Variants in TPSB2 observed in about 807,000 individuals in gnomAD.
TPSB2 encodes tryptase beta-2.
A neutral mutation model predicts 19.8 loss-of-function variants in TPSB2; 13 were observed. That is an observed-to-expected ratio of 0.66 (90% CI 0.43 to 1.04). TPSB2 has a LOEUF of 1.04. Ranked by LOEUF, TPSB2 falls within the 50% of genes least tolerant of loss-of-function variation. The pLI is 0.00. For synonymous variants in TPSB2, 78 were observed against 116.4 expected (o/e 0.67, Z 2.12); for missense variants, 196 against 259.9 (o/e 0.75, Z 1.69).
rs1164722427 is a variant in TPSB2 at position 1,229,006 on chromosome 16, T to C, written c.557A>G (p.His186Arg). ...AAGGTGGTATTTTGCGTCACAAATG[T>C]GGTTTTCCATTATGGGGACCTTCAC... ...KQVKVPIMEN[H>R]ICDAKYHLGA... is the part of the protein sequence containing the mutation. The change falls in exon 5 of 6, where the codon CAC becomes CGC. Residue 186 changes from histidine to arginine, a missense_variant. This residue lies in a region of TPSB2 where 109 missense variants were observed against 110.2 expected (regional missense o/e 0.99). Transcript: ENST00000606293. 1 of 458,228 alleles carries C rather than the reference T, an allele frequency of 2.2e-6. No individual in the cohort carries two copies. Among genetic ancestry groups the C allele is most frequent in the Admixed American group, 5.0e-5 (1 of 19,808 alleles). The allele number at this position is 458,228 out of a possible 1,614,324, so 28.4% of individuals were successfully genotyped here.
At position 1,229,418 on chromosome 16, in the gene TPSB2, C is replaced by G; in HGVS notation, c.272G>C (p.Arg91Pro). 3 of 1,171,078 alleles carry G rather than the reference C, an allele frequency of 2.6e-6. No homozygotes were observed. Among genetic ancestry groups the G allele is most frequent in the Non-Finnish European group, 3.3e-6 (3 of 909,956 alleles). 72.5% of individuals were successfully genotyped at this position (1,171,078 alleles called of 1,614,324 possible). Reference sequence around the variant, plus strand: ...GTCCTGGTAGTAGAGGTGCTGCTCCCGCAGTTGCACCCTGAGGGCGGCCAG... The same window carrying G: ...GTCCTGGTAGTAGAGGTGCTGCTCCGGCAGTTGCACCCTGAGGGCGGCCAG... ...KDLAALRVQL[R>P]EQHLYYQDQL... is the part of the protein sequence containing the mutation. Residue 91 changes from arginine (R) to proline (P), a missense_variant, in exon 4 of 6, where the codon CGG (arginine) becomes CCG (proline). By Grantham distance (103) the Arg-to-Pro change is moderately radical. Transcript: ENST00000606293.
At position 1,228,712 on chromosome 16, in the gene TPSB2, T is replaced by C. The variant is rs375406989; in HGVS notation, c.766A>G (p.Ile256Val). The change falls in exon 6 of 6, where the codon ATC becomes GTC. Residue 256 changes from isoleucine to valine, a missense_variant. Around this residue, in one of 4 missense-constraint regions of TPSB2, gnomAD observed 109 missense variants for 110.2 expected, o/e 0.99. Coordinates refer to ENST00000606293, the MANE Select transcript of TPSB2 (RefSeq NM_024164.6). ...EGCAQPNRPG[I>V]YTRVTYYLDW... is the part of the protein sequence containing the mutation. ...AAGTAGTAGGTGACACGGGTGTAGA[T>C]GCCAGGCCGGTTGGGCTGGGCACAG... is the stretch of plus-strand genomic sequence containing the variant. The C allele has an allele frequency of 2.7e-5, 43 of 1,585,838 alleles. No homozygotes were observed. The highest frequency in any genetic ancestry group is 3.3e-5 in the Non-Finnish European group (38 of 1,168,614).
Position 1,228,604 on chromosome 16 carries a change from G to A in TPSB2, c.*46C>T, listed in dbSNP as rs1060321. 946 of 1,509,038 alleles carry A rather than the reference G, an allele frequency of 6.3e-4. 147 individuals carry two copies. The highest frequency in any genetic ancestry group is 8.0e-4 in the Non-Finnish European group (888 of 1,106,972). 93.5% of individuals were successfully genotyped at this position (1,509,038 alleles called of 1,614,324 possible). ...TAGGAAGCAGTGGTGTTTTGAACAG[G>A]AGGGGCTGGCTCTCCAGTGACCCAG... On this transcript the variant is annotated 3_prime_UTR_variant, in exon 6 of 6. Transcript: ENST00000606293.
rs560746927 is a variant in TPSB2 at position 1,228,444 on chromosome 16, G to T, written c.*206C>A. 2.0e-5 allele frequency: 23 copies of T among 1,166,680 alleles called. No homozygotes were observed. The East Asian group carries it at 5.6e-4, about 28-fold the overall frequency. 72.3% of individuals were successfully genotyped at this position (1,166,680 alleles called of 1,614,324 possible). On this transcript the variant is annotated 3_prime_UTR_variant, in exon 6 of 6. Coordinates refer to ENST00000606293, the MANE Select transcript of TPSB2 (RefSeq NM_024164.6). ...GGCCCGGTGCAGGCGTCAGGCTTAG[G>T]ACAGGGAAGGGGGCTCAGGATGGGG...
In TPSB2 at chr16:1,228,977, C is replaced by T. The variant is rs1437335466; in HGVS notation, c.586G>A (p.Ala196Thr). Residue 196 changes from alanine (A) to threonine (T), a missense_variant, in exon 5 of 6, where the codon GCC becomes ACC. Ala to Thr is a moderately conservative substitution (Grantham distance 58). Transcript: ENST00000606293. ...ATGCGGACGTCGTCTCCCGTGTAGG[C>T]GCCAAGGTGGTATTTTGCGTCACAA... ...HICDAKYHLG[A>T]YTGDDVRIVR... The T allele has an allele frequency of 1.7e-3, 809 of 482,900 alleles. 2 individuals are homozygous for T. The highest frequency in any genetic ancestry group is 2.7e-3 in the Admixed American group (55 of 20,662). The allele number at this position is 482,900 out of a possible 1,614,324, so 29.9% of individuals were successfully genotyped here.
chr16:1,228,488 G>A lies in TPSB2; in HGVS notation c.*162C>T, dbSNP rs2030267384. 1.7e-6 allele frequency: 2 copies of A among 1,178,620 alleles called. No individual in the cohort carries two copies. Among genetic ancestry groups the A allele is most frequent in the African/African-American group, 3.0e-5 (2 of 65,690 alleles). 73.0% of individuals were successfully genotyped at this position (1,178,620 alleles called of 1,614,324 possible). A position where few individuals can be genotyped will look rare whatever the true frequency, so the allele number is the denominator to read the frequency against. ...GATGGGGAAGGGTCCTCAGGACAGG[G>A]GAAGGGGCTCAGAAGAGAGCAGGGG... On this transcript the variant is annotated 3_prime_UTR_variant, in exon 6 of 6. Transcript: ENST00000606293.
Position 1,229,643 on chromosome 16 carries a change from G to C in TPSB2, c.156C>G (p.Asp52Glu). ...CCCCGCAGAAGTGCATCCAGTATCG[G>C]TCGCGGACTCTCAGGCTCACCTGCC... ...WPWQVSLRVRDRYWMHFCGGS... is the reference protein window; with the variant it reads ...WPWQVSLRVRERYWMHFCGGS... Residue 52 changes from aspartate to glutamate, a missense_variant, in exon 3 of 6, where the codon GAC becomes GAG. By Grantham distance (45) the Asp-to-Glu change is conservative. Around this residue, in one of 4 missense-constraint regions of TPSB2, gnomAD observed 72 missense variants for 80.5 expected, o/e 0.89. Transcript: ENST00000606293. 1.2e-6 allele frequency: 2 copies of C among 1,604,590 alleles called. No individual in the cohort carries two copies. The highest frequency in any genetic ancestry group is 3.4e-5 in the Admixed American group (2 of 59,600).
rs764536438 is a variant in TPSB2, at chr16:1,229,646, G to A, written c.153C>T (p.Arg51=). Residue 51 remains arginine, a synonymous_variant, in exon 3 of 6, where the codon CGC becomes CGT. Transcript: ENST00000606293. ...CGCAGAAGTGCATCCAGTATCGGTC[G>A]CGGACTCTCAGGCTCACCTGCCAGG... ...KWPWQVSLRV[R]DRYWMHFCGG... 61 of 1,604,460 alleles carry A rather than the reference G, an allele frequency of 3.8e-5. 2 individuals are homozygous for A. The highest frequency in any genetic ancestry group is 2.4e-4 in the Admixed American group (14 of 59,570).
Position 1,229,584 on chromosome 16 carries a change from G to A in TPSB2, c.215C>T (p.Ala72Val), listed in dbSNP as rs747030828. Residue 72 changes from alanine to valine, a missense_variant, in exon 3 of 6, where the codon GCA becomes GTA. Physicochemically the swap from Ala to Val is moderately conservative, Grantham distance 64. Around this residue, in one of 4 missense-constraint regions of TPSB2, gnomAD observed 72 missense variants for 80.5 expected, o/e 0.89. Coordinates refer to ENST00000606293, the MANE Select transcript of TPSB2 (RefSeq NM_024164.6). Reference protein sequence around the residue: ...SLIHPQWVLTAAHCVGPDVKD... With the variant: ...SLIHPQWVLTVAHCVGPDVKD... ...GACTCACGGTCCCACGCAGTGCGCT[G>A]CGGTCAGCACCCACTGGGGGTGGAT... 5.7e-6 allele frequency: 9 copies of A among 1,574,594 alleles called. No individual in the cohort carries two copies. The highest frequency in any genetic ancestry group is 4.8e-5 in the East Asian group (2 of 41,754).
At position 1,228,401 on chromosome 16, in the gene TPSB2, G is replaced by A. The variant is rs2030261859; in HGVS notation, c.*249C>T. The A allele has an allele frequency of 3.8e-6, 3 of 780,252 alleles. No homozygotes were observed. Among genetic ancestry groups the A allele is most frequent in the South Asian group, 1.9e-5 (1 of 52,412 alleles). The allele number at this position is 780,252 out of a possible 1,614,324, so 48.3% of individuals were successfully genotyped here. ...ATTAGCGCCCACCACCAGCTGCCTGGGCAGGGGAGGGCCGGAGGGCCCGGT... is the reference window on the plus strand; with the variant it reads ...ATTAGCGCCCACCACCAGCTGCCTGAGCAGGGGAGGGCCGGAGGGCCCGGT... On this transcript the variant is annotated 3_prime_UTR_variant, in exon 6 of 6. Coordinates refer to ENST00000606293, the MANE Select transcript of TPSB2 (RefSeq NM_024164.6).
Position 1,229,585 on chromosome 16 carries a change from C to T in TPSB2, c.214G>A (p.Ala72Thr), listed in dbSNP as rs371932070. ...SLIHPQWVLTAAHCVGPDVKD... is the reference protein window; with the variant it reads ...SLIHPQWVLTTAHCVGPDVKD... ...ACTCACGGTCCCACGCAGTGCGCTG[C>T]GGTCAGCACCCACTGGGGGTGGATG... is the stretch of plus-strand genomic sequence containing the variant. Residue 72 changes from alanine to threonine, a missense_variant, in exon 3 of 6, where the codon GCA becomes ACA. Coordinates refer to ENST00000606293, the MANE Select transcript of TPSB2 (RefSeq NM_024164.6). The T allele has an allele frequency of 3.8e-6, 6 of 1,575,302 alleles. No homozygotes were observed. Among genetic ancestry groups the T allele is most frequent in the Middle Eastern group, 2.0e-4 (1 of 5,064 alleles).
In TPSB2 at chr16:1,228,629, G is replaced by A. The variant is rs538590596; in HGVS notation, c.*21C>T. 3.1e-6 allele frequency: 5 copies of A among 1,600,056 alleles called. 1 individual carries two copies. Among genetic ancestry groups the A allele is most frequent in the South Asian group, 1.1e-5 (1 of 90,174 alleles). ...GAGGGGCTGGCTCTCCAGTGACCCA[G>A]GTGGACACCCCAGGCCTGACTCACG... On this transcript the variant is annotated 3_prime_UTR_variant, in exon 6 of 6. Coordinates refer to ENST00000606293, the MANE Select transcript of TPSB2 (RefSeq NM_024164.6).
chr16:1,228,765 T>C lies in TPSB2; in HGVS notation c.713A>G (p.Gln238Arg). 10 of 1,561,468 alleles carry C rather than the reference T, an allele frequency of 6.4e-6. No individual in the cohort carries two copies. Among genetic ancestry groups the C allele is most frequent in the Non-Finnish European group, 8.6e-6 (10 of 1,157,134 alleles). ...LVCKVNGTWL[Q>R]AGVVSWGEGC... ...CTCGCCCCAGCTGACCACGCCCGCCTGCAGCCAGGTGCCATTCACCTTGCA... is the reference window on the plus strand; with the variant it reads ...CTCGCCCCAGCTGACCACGCCCGCCCGCAGCCAGGTGCCATTCACCTTGCA... The change falls in exon 6 of 6, where the codon CAG becomes CGG. Residue 238 changes from glutamine (Q) to arginine (R), a missense_variant. Coordinates refer to ENST00000606293, the MANE Select transcript of TPSB2 (RefSeq NM_024164.6).
rs567185904 is a variant in TPSB2 at position 1,228,840 on chromosome 16, G to A, written c.664-26C>T. 105,378 of 732,202 alleles carry A rather than the reference G, an allele frequency of 0.14. 864 individuals carry two copies. The highest frequency in any genetic ancestry group is 0.17 in the Middle Eastern group (321 of 1,846). 45.4% of individuals were successfully genotyped at this position (732,202 alleles called of 1,614,324 possible). On this transcript the variant is annotated intron_variant, in intron 5 of 5. Coordinates refer to ENST00000606293, the MANE Select transcript of TPSB2 (RefSeq NM_024164.6). Reference sequence around the variant, plus strand: ...CTGGGAAGGTCAGAGGTCAGCGCTCGCCGAACAGGCCTGGGAGTGGGGGTT... The same window carrying A: ...CTGGGAAGGTCAGAGGTCAGCGCTCACCGAACAGGCCTGGGAGTGGGGGTT...
chr16:1,229,199 T>A lies in TPSB2; in HGVS notation c.491A>T (p.Asp164Val). 1 of 376,466 alleles carries A rather than the reference T, an allele frequency of 2.7e-6. No homozygotes were observed. The highest frequency in any genetic ancestry group is 4.3e-6 in the Non-Finnish European group (1 of 233,936). 23.3% of individuals were successfully genotyped at this position (376,466 alleles called of 1,614,324 possible). A position where few individuals can be genotyped will look rare whatever the true frequency, so the allele number is the denominator to read the frequency against. Residue 164 changes from aspartate to valine, a missense_variant, in exon 4 of 6, where the codon GAC becomes GTC. Transcript: ENST00000606293. ...PCWVTGWGDV[D>V]NDERLPPPFP... ...ACTGTCCCCAGACCCACCATCATTG[T>A]CCACATCGCCCCAGCCAGTGACCCA...
In TPSB2 at chr16:1,228,613, G is replaced by C; in HGVS notation, c.*37C>G. The C allele has an allele frequency of 1.3e-6, 2 of 1,562,862 alleles. No homozygotes were observed. On this transcript the variant is annotated 3_prime_UTR_variant, in exon 6 of 6. Coordinates refer to ENST00000606293, the MANE Select transcript of TPSB2 (RefSeq NM_024164.6). The stretch of plus-strand genomic sequence containing the variant: ...GTGGTGTTTTGAACAGGAGGGGCTG[G>C]CTCTCCAGTGACCCAGGTGGACACC...
At position 1,229,282 on chromosome 16, in the gene TPSB2, G is replaced by T. The variant is rs1293521294; in HGVS notation, c.408C>A (p.His136Gln). 4.6e-6 allele frequency: 2 copies of T among 438,598 alleles called. No individual in the cohort carries two copies. Among genetic ancestry groups the T allele is most frequent in the South Asian group, 4.7e-5 (2 of 42,218 alleles). The allele number at this position is 438,598 out of a possible 1,614,324, so 27.2% of individuals were successfully genotyped here. Residue 136 changes from histidine (H) to glutamine (Q), a missense_variant, in exon 4 of 6, where the codon CAC becomes CAA. Around this residue, in one of 4 missense-constraint regions of TPSB2, gnomAD observed 109 missense variants for 110.2 expected, o/e 0.99. Coordinates refer to ENST00000606293, the MANE Select transcript of TPSB2 (RefSeq NM_024164.6). ...CAGGGGGCAGGGTGACCGTGTGGAC[G>T]TGGCTGGAGACGTTCACCGGCTCCT... is the stretch of plus-strand genomic sequence containing the variant. Reference protein sequence around the residue: ...ELEEPVNVSSHVHTVTLPPAS... With the variant: ...ELEEPVNVSSQVHTVTLPPAS...
chr16:1,229,002 A>C lies in TPSB2; in HGVS notation c.561T>G (p.Ile187Met). The C allele has an allele frequency of 4.3e-6, 2 of 463,144 alleles. No homozygotes were observed. Among genetic ancestry groups the C allele is most frequent in the South Asian group, 4.4e-5 (2 of 45,656 alleles). The allele number at this position is 463,144 out of a possible 1,614,324, so 28.7% of individuals were successfully genotyped here. Residue 187 changes from isoleucine to methionine, a missense_variant, in exon 5 of 6, where the codon ATT becomes ATG. Transcript: ENST00000606293. ...QVKVPIMENH[I>M]CDAKYHLGAY... ...CGCCAAGGTGGTATTTTGCGTCACA[A>C]ATGTGGTTTTCCATTATGGGGACCT... is the stretch of plus-strand genomic sequence containing the variant.
Position 1,228,425 on chromosome 16 carries a change from G to C in TPSB2, c.*225C>G. ...GGGCAGGGGAGGGCCGGAGGGCCCG[G>C]TGCAGGCGTCAGGCTTAGGACAGGG... On this transcript the variant is annotated 3_prime_UTR_variant, in exon 6 of 6. Transcript: ENST00000606293. 1 of 1,007,674 alleles carries C rather than the reference G, an allele frequency of 9.9e-7. No homozygotes were observed. Among genetic ancestry groups the C allele is most frequent in the South Asian group, 1.7e-5 (1 of 57,698 alleles). The allele number at this position is 1,007,674 out of a possible 1,614,324, so 62.4% of individuals were successfully genotyped here. A position where few individuals can be genotyped will look rare whatever the true frequency, so the allele number is the denominator to read the frequency against.
Sources: gnomAD v4.1 joint callset for allele counts on GRCh38, gnomAD v4.1.1 for gene constraint, gnomAD v4.1.1 regional missense constraint, MANE v1.5 for transcripts, NCBI Gene and HGNC (gene_info 2026-07-23, HGNC 2026-07-21) for gene names.